Variants in TES observed in about 807,000 individuals in gnomAD.
TES encodes testin.
Under a neutral mutation model 48.2 loss-of-function variants are expected in TES, and 41 were observed. The observed-to-expected ratio is 0.85, with a 90% CI of 0.66 to 1.10. TES has a LOEUF of 1.10. Among genes scored for constraint, TES ranks in the 50% least tolerant of loss-of-function variants. The probability of loss-of-function intolerance (pLI) is 0.00; values close to 1 mark genes in which losing one functional copy is unlikely to be tolerated. For missense variants in TES, 463 were observed against 515.1 expected (o/e 0.90, Z 0.98); for synonymous variants, 162 against 174.9 (o/e 0.93, Z 0.58).
chr7:116,248,963 A>G (rs978375237), intron 2 of TES, 57 bp from the exon 3 acceptor site: 29 of 1,468,844 alleles, frequency 2.0e-5, no homozygotes, highest in Non-Finnish European at 2.6e-5. Flanking sequence ...TAAATGTATG[A>G]ACATAAATAT....
chr7:116,240,819 C>T (rs1799836694), intron 2 of TES, among the ~76,000 whole-genome samples: 2 of 152,072 alleles, frequency 1.3e-5, no homozygotes, highest in Admixed American at 1.3e-4. Context: ...TTTATATACT[C>T]TCTTAAAACT....
At chr7:116,215,223 C>A (rs1799480768) in intron 1 of TES, among the ~76,000 whole-genome samples, 2 of 152,190 alleles carry the variant, frequency 1.3e-5, no homozygotes, top group African/African-American at 4.8e-5. Flanking sequence ...CTGCTTCCAT[C>A]ATGCCAACTA....
At chr7:116,244,935 T>C (rs1203264438) in intron 2 of TES, among the ~76,000 whole-genome samples, 1 of 152,134 alleles carries the variant, frequency 6.6e-6, no homozygotes, top group Non-Finnish European at 1.5e-5. Flanking sequence ...AGCTATACCT[T>C]GGCCCCTTTT....
At chr7:116,244,660 C>A (rs944711061) in intron 2 of TES, among the ~76,000 whole-genome samples, 1 of 152,198 alleles carries the variant, frequency 6.6e-6, no homozygotes, top group African/African-American at 2.4e-5. Context: ...CTTCTCACAG[C>A]TCCACTAGGC....
At chr7:116,252,690 A>G (rs530723501) in intron 6 of TES, 24 of 610,074 alleles carry the variant, frequency 3.9e-5, no homozygotes, top group Non-Finnish European at 6.4e-5. Flanking sequence ...TGAAATTTAC[A>G]ATATCAATTA....
intron 1 of TES, chr7:116,217,670 G>C: frequency 2.6e-6 from 1 of 391,070 alleles, no homozygotes; most frequent in Non-Finnish European, 5.0e-6. Flanking sequence ...AGATTTTCAG[G>C]ATTTTAAAGA....
At chr7:116,211,809 GA>G (rs3840631) in intron 1 of TES, among the ~76,000 whole-genome samples, 66,254 of 152,000 alleles carry the variant, frequency 0.44, 14,820 homozygotes, top group East Asian at 0.71. Flanking sequence ...CTGGATTTTT[GA>G]AAATGGATAC....
In TES at chr7:116,223,561, A is replaced by G. The variant is rs1317686420; in HGVS notation, c.28-10973A>G. Among the ~76,000 whole-genome samples, 3 of 152,020 alleles carry G rather than the reference A, an allele frequency of 2.0e-5. No individual in the cohort carries two copies. In the East Asian group the frequency reaches 5.8e-4, roughly 29 times the overall value. ...CACAAGTGTGTGTGTATGTGTGTGT[A>G]CCCAAGTGTGTGTAACTATATATTG... On this transcript the variant is annotated intron_variant, in intron 1 of 6. Transcript: ENST00000358204.
chr7:116,249,912 G>C (rs1332563514), intron 3 of TES: 1 of 343,224 alleles, frequency 2.9e-6, no homozygotes, highest in African/African-American at 2.1e-5. Flanking sequence ...TAAGTAAACA[G>C]TAGTAACTCA....
Position 116,257,587 on chromosome 7 carries a change from A to C in TES, c.*105A>C. 1 of 1,054,432 alleles carries C rather than the reference A, an allele frequency of 9.5e-7. No homozygotes were observed. The highest frequency in any genetic ancestry group is 1.3e-6 in the Non-Finnish European group (1 of 799,478). The allele number at this position is 1,054,432 out of a possible 1,614,324, so 65.3% of individuals were successfully genotyped here. ...ATAAAACGCAAAAAAAGAAACTGTA[A>C]AGGAAACCAAGAGATTTTGTTTAAT... is the stretch of plus-strand genomic sequence containing the variant. On this transcript the variant is annotated 3_prime_UTR_variant, in exon 7 of 7. Transcript: ENST00000358204.
At chr7:116,244,408 T>G (rs1799893397) in intron 2 of TES, among the ~76,000 whole-genome samples, 1 of 152,234 alleles carries the variant, frequency 6.6e-6, no homozygotes, top group South Asian at 2.1e-4. Context: ...ACAGGCCCTA[T>G]GGGAGATCAA....
chr7:116,220,007 G>T (rs1030573531), intron 1 of TES, among the ~76,000 whole-genome samples: 1 of 151,972 alleles, frequency 6.6e-6, no homozygotes, highest in Non-Finnish European at 1.5e-5. Context: ...ATTCCAGCCG[G>T]GTCATGTGAC....
In TES at chr7:116,218,669, A is replaced by G. The variant is rs923627282; in HGVS notation, c.27+7935A>G. 2.7e-5 allele frequency among the ~76,000 whole-genome samples: 4 copies of G among 149,488 alleles called. No individual in the cohort carries two copies. The Admixed American group carries it at 2.7e-4, about 10-fold the overall frequency. On this transcript the variant is annotated intron_variant, in intron 1 of 6. Transcript: ENST00000358204. ...CCATATCTATCAGTATCACCTCTTGAGCAAAATACCGATGTCACCTTTGAT... is the reference window on the plus strand; with the variant it reads ...CCATATCTATCAGTATCACCTCTTGGGCAAAATACCGATGTCACCTTTGAT...
chr7:116,235,148 G>T (rs539637693), intron 2 of TES, among the ~76,000 whole-genome samples: 1 of 152,006 alleles, frequency 6.6e-6, no homozygotes, highest in Admixed American at 6.6e-5. Flanking sequence ...ATGGGGTTTC[G>T]CCATGTTGGC....
intron 1 of TES, among the ~76,000 whole-genome samples, chr7:116,229,396 G>T (rs577504876): frequency 6.6e-6 from 1 of 152,254 alleles, no homozygotes; most frequent in Admixed American, 6.5e-5. Flanking sequence ...TATGCTGAGG[G>T]TAAAGAGAAG....
At chr7:116,252,240 A>G (rs905628383) in intron 5 of TES, 78 bp from the exon 6 acceptor site, 43 of 1,438,470 alleles carry the variant, frequency 3.0e-5, no homozygotes, top group African/African-American at 2.9e-4. Flanking sequence ...CAAACTTTAG[A>G]CCCTGAGAAA....
At chr7:116,230,433 A>G (rs1174277865) in intron 1 of TES, among the ~76,000 whole-genome samples, 1 of 152,224 alleles carries the variant, frequency 6.6e-6, no homozygotes, top group Non-Finnish European at 1.5e-5. Context: ...CCCTGGAACA[A>G]TACTTTCTGG....
At chr7:116,243,340 G>A (rs1215480511) in intron 2 of TES, among the ~76,000 whole-genome samples, 6 of 152,038 alleles carry the variant, frequency 3.9e-5, no homozygotes. Flanking sequence ...ATTGCTTCCA[G>A]CTTAAATTTT....
In TES at chr7:116,210,717, G is replaced by A. The variant is rs1203637099; in HGVS notation, c.10G>A (p.Glu4Lys). The A allele has an allele frequency of 3.2e-6, 4 of 1,259,588 alleles. No homozygotes were observed. The highest frequency in any genetic ancestry group is 4.1e-5 in the Admixed American group (1 of 24,278). The allele number at this position is 1,259,588 out of a possible 1,614,324, so 78.0% of individuals were successfully genotyped here. The part of the protein sequence containing the change: MDL[E>K]NKVKKMGLGH... ...CATAGGACGCGTTAACATGGACCTG[G>A]AAAACAAAGTGAAGAAGGTAGGGGG... Residue 4 changes from glutamate to lysine, a missense_variant, in exon 1 of 7, where the codon GAA becomes AAA. Physicochemically the swap from Glu to Lys is moderately conservative, Grantham distance 56 (BLOSUM62 1). Transcript: ENST00000358204.
Sources: gnomAD v4.1 joint callset for allele counts (sites outside exome capture counted in the v4.1 genomes callset) on GRCh38, gnomAD v4.1.1 for gene constraint, MANE v1.5 for transcripts, NCBI Gene and HGNC (gene_info 2026-07-23, HGNC 2026-07-21) for gene names.